Variants in LZTFL1 observed in about 807,000 individuals in gnomAD.
LZTFL1 encodes the protein leucine zipper transcription factor like 1, also known as leucine zipper transcription factor-like protein 1.
Under a neutral mutation model 45.9 loss-of-function variants are expected in LZTFL1, and 25 were observed. That is an observed-to-expected ratio of 0.54 (90% confidence interval 0.40 to 0.76). The LOEUF (loss-of-function observed/expected upper bound fraction) is 0.76, where lower values mean the gene tolerates loss of function less well. Among genes scored for constraint, LZTFL1 ranks in the 30% least tolerant of loss-of-function variants. LZTFL1 has a pLI of 0.00. For missense variants in LZTFL1, 277 were observed against 331.1 expected (o/e 0.84, Z 1.27); for synonymous variants, 93 against 117.4 (o/e 0.79, Z 1.35).
chr3:45,833,330 T>TA (rs1433694412), intron 4 of LZTFL1, among the ~76,000 whole-genome samples: 1 of 152,146 alleles, frequency 6.6e-6, no homozygotes, highest in African/African-American at 2.4e-5. Context: ...CCATACATGT[T>TA]AGAGACAAAA....
At chr3:45,834,772 C>T (rs908945030) in intron 3 of LZTFL1, 4 of 153,700 alleles carry the variant, frequency 2.6e-5, no homozygotes, top group African/African-American at 9.6e-5. Context: ...GGTGTGCCAT[C>T]TGAAGATTTG....
At chr3:45,903,343 C>G (rs1238143802) in intron 2 of LZTFL1, 1 of 153,110 alleles carries the variant, frequency 6.5e-6, no homozygotes, top group African/African-American at 2.4e-5. Flanking sequence ...GAAATAAGAT[C>G]TCCAAATACC....
chr3:45,882,072 A>G, intron 2 of LZTFL1, among the ~76,000 whole-genome samples: 1 of 152,260 alleles, frequency 6.6e-6, no homozygotes, highest in East Asian at 1.9e-4. Flanking sequence ...ATATTTCCAC[A>G]TTGCAGAAAG....
rs1700648422 is a variant in LZTFL1 at position 45,825,819 on chromosome 3, CAAAT to C, written c.*491_*494del. ...TTTCAATGAATTTATAGTTTATCAT[CAAAT>C]AGAGTAAATGAATTAAGATTTCATT... is the stretch of plus-strand genomic sequence containing the variant. On this transcript the variant is annotated 3_prime_UTR_variant, in exon 10 of 10. Coordinates refer to ENST00000296135, the MANE Select transcript of LZTFL1 (RefSeq NM_020347.4). The C allele has an allele frequency of 6.6e-6, 1 of 152,658 alleles. No homozygotes were observed. Among genetic ancestry groups the C allele is most frequent in the Non-Finnish European group, 1.5e-5 (1 of 68,138 alleles). 9.5% of individuals were successfully genotyped at this position (152,658 alleles called of 1,614,324 possible).
Position 45,825,936 on chromosome 3 carries a change from C to A in LZTFL1, c.*378G>T. The A allele has an allele frequency of 5.4e-6, 1 of 186,582 alleles. No individual in the cohort carries two copies. The highest frequency in any genetic ancestry group is 2.1e-3 in the Middle Eastern group (1 of 472). The allele number at this position is 186,582 out of a possible 1,614,324, so 11.6% of individuals were successfully genotyped here. ...AACAATGCTATTATTTATTTTTACCCATGGGGAATGCATAAGTACAAACAT... is the reference window on the plus strand; with the variant it reads ...AACAATGCTATTATTTATTTTTACCAATGGGGAATGCATAAGTACAAACAT... On this transcript the variant is annotated 3_prime_UTR_variant, in exon 10 of 10. Coordinates refer to ENST00000296135, the MANE Select transcript of LZTFL1 (RefSeq NM_020347.4).
Position 45,901,671 on chromosome 3 carries a change from A to T in LZTFL1, c.-215+11449T>A. Reference sequence around the variant, plus strand: ...CTCCAACTGTGCCGTTTCCACCAACATTGACATCTGCTTCCAGGTCACCCA... The same window carrying T: ...CTCCAACTGTGCCGTTTCCACCAACTTTGACATCTGCTTCCAGGTCACCCA... On this transcript the variant is annotated intron_variant, in intron 2 of 4. Coordinates refer to the LZTFL1 transcript ENST00000472635. This position sits in a 1 kb window ranked among gnomAD's most constrained non-coding sequence, Gnocchi z 4.3. The T allele has an allele frequency of 6.2e-7, 1 of 1,613,972 alleles. No homozygotes were observed. Among genetic ancestry groups the T allele is most frequent in the South Asian group, 1.1e-5 (1 of 91,076 alleles).
At chr3:45,860,475 TTG>T (rs1385014513) in intron 2 of LZTFL1, among the ~76,000 whole-genome samples, 2 of 152,088 alleles carry the variant, frequency 1.3e-5, no homozygotes, top group African/African-American at 4.8e-5. Context: ...TTTTTTTTTT[TTG>T]TTTTTTGGTA....
At chr3:45,867,156 A>AC (rs1366971276) in intron 2 of LZTFL1, among the ~76,000 whole-genome samples, 3 of 151,622 alleles carry the variant, frequency 2.0e-5, no homozygotes, top group African/African-American at 7.3e-5. Flanking sequence ...TCAAAAAAAA[A>AC]AAAAAAAAAA....
At chr3:45,862,510 A>C (rs1701507117) in intron 2 of LZTFL1, among the ~76,000 whole-genome samples, 2 of 152,210 alleles carry the variant, frequency 1.3e-5, no homozygotes, top group African/African-American at 2.4e-5. Flanking sequence ...AGTGATTTTC[A>C]CAACAACAAC....
At chr3:45,834,622 G>C (rs139011793) in intron 3 of LZTFL1, 49 of 186,942 alleles carry the variant, frequency 2.6e-4, no homozygotes, top group Middle Eastern at 2.3e-3. Context: ...TGAGGAGACT[G>C]TTTTATTACA....
intron 5 of LZTFL1, chr3:45,832,792 A>C: frequency 3.2e-6 from 1 of 307,954 alleles, no homozygotes; most frequent in Non-Finnish European, 6.0e-6. Flanking sequence ...ACAAACTTTA[A>C]ATGTCCATCA....
chr3:45,828,607 T>C lies in LZTFL1; in HGVS notation c.609A>G (p.Ile203Met), dbSNP rs1201725995. 6 of 1,603,724 alleles carry C rather than the reference T, an allele frequency of 3.7e-6. No individual in the cohort carries two copies. Among genetic ancestry groups the C allele is most frequent in the East Asian group, 2.2e-5 (1 of 44,842 alleles). Residue 203 changes from isoleucine (I) to methionine (M), a missense_variant, in exon 8 of 10, where the codon ATA becomes ATG. Ile to Met is a conservative substitution (Grantham distance 10). Coordinates refer to ENST00000296135, the MANE Select transcript of LZTFL1 (RefSeq NM_020347.4). ...QLDQGNQKDF[I>M]KAQDLSNLEN... ...CTAAGTTACTTAAGTCTTGGGCCTT[T>C]ATAAAATCCTATGAAAAATAAATGC...
At chr3:45,880,517 C>A (rs767368631) in intron 2 of LZTFL1, among the ~76,000 whole-genome samples, 5 of 151,940 alleles carry the variant, frequency 3.3e-5, no homozygotes, top group Admixed American at 3.3e-4. Context: ...AAAAGGAAAT[C>A]GGATCGTGTT....
At chr3:45,913,049 A>G in intron 2 of LZTFL1, 1 of 1,403,270 alleles carries the variant, frequency 7.1e-7, no homozygotes, top group Non-Finnish European at 9.6e-7. Context: ...TGGTTTAGAG[A>G]AAACCACTCC....
At chr3:45,852,675 A>G (rs1701326639) in intron 4 of LZTFL1, among the ~76,000 whole-genome samples, 1 of 152,258 alleles carries the variant, frequency 6.6e-6, no homozygotes, top group African/African-American at 2.4e-5. Flanking sequence ...CTAGAGTGGC[A>G]GTAGGGATGG....
intron 4 of LZTFL1, among the ~76,000 whole-genome samples, chr3:45,851,419 G>A (rs1363372630): frequency 6.6e-6 from 1 of 151,784 alleles, no homozygotes; most frequent in Non-Finnish European, 1.5e-5. Flanking sequence ...TAGAGACAGG[G>A]TTTCACTGTG....
In LZTFL1 at chr3:45,893,157, CT is replaced by C. The variant is rs57214739; in HGVS notation, c.-215+19962del. On this transcript the variant is annotated intron_variant, in intron 2 of 4. Coordinates refer to the LZTFL1 transcript ENST00000472635. ...ACTCCCCTTCCCTCTCTCTCTCTCT[CT>C]TTTTTTTTTTGTTTGAGATGGAGTC... Among the ~76,000 whole-genome samples, 1,001 of 145,216 alleles carry C rather than the reference CT, an allele frequency of 6.9e-3. 8 individuals carry two copies. The highest frequency in any genetic ancestry group is 0.02 in the African/African-American group (788 of 39,838).
At position 45,827,338 on chromosome 3, in the gene LZTFL1, G is replaced by C; in HGVS notation, c.881+18C>G. On this transcript the variant is annotated intron_variant, in intron 9 of 9. Transcript: ENST00000296135. ...AATCCAGAGAGAGAAATCCAAAGGC[G>C]GGATCAGTGTGGCTTACTGTGCCAG... is the stretch of plus-strand genomic sequence containing the variant. The C allele has an allele frequency of 6.6e-7, 1 of 1,525,184 alleles. No individual in the cohort carries two copies. The highest frequency in any genetic ancestry group is 9.1e-7 in the Non-Finnish European group (1 of 1,099,510). The allele number at this position is 1,525,184 out of a possible 1,614,324, so 94.5% of individuals were successfully genotyped here.
intron 2 of LZTFL1, among the ~76,000 whole-genome samples, chr3:45,888,287 G>C (rs1208312269): frequency 6.6e-6 from 1 of 152,074 alleles, no homozygotes; most frequent in Non-Finnish European, 1.5e-5. Flanking sequence ...ATGTCTCCAT[G>C]CTCTTCGGCC....
Sources: allele counts gnomAD v4.1 joint callset (sites outside exome capture counted in the v4.1 genomes callset), GRCh38; gene constraint gnomAD v4.1.1; non-coding constraint Gnocchi (gnomAD v3.1); transcripts MANE v1.5; gene names NCBI Gene and HGNC (gene_info 2026-07-23, HGNC 2026-07-21).